MGAM: variants seen among roughly 807,000 people sequenced by gnomAD.
The protein encoded by MGAM is maltase-glucoamylase.
MGAM carries 253 observed loss-of-function variants against 358.8 expected under a neutral mutation model. The ratio of observed to expected loss-of-function variants is 0.71; its 90% CI spans 0.64 to 0.78. The LOEUF is 0.78. Ranked by LOEUF, MGAM falls within the 30% of genes least tolerant of loss-of-function variation. MGAM has a pLI of 0.00. For synonymous variants in MGAM, 1,105 were observed against 1,227.1 expected, an observed-to-expected ratio of 0.90 and a Z score of 2.08; for missense variants, 3,080 against 3,432.6, an observed-to-expected ratio of 0.90 and a Z score of 2.57.
intron 2 of MGAM, among the ~76,000 whole-genome samples, chr7:141,988,505 C>T (rs1362566679): frequency 2.0e-5 from 3 of 152,128 alleles, no homozygotes; most frequent in Admixed American, 2.0e-4. Flanking sequence ...GCTGAGATAA[C>T]AGGCGCCCGC....
rs1811136917 is a variant in MGAM at position 142,052,846 on chromosome 7, T to C, written c.3021T>C (p.Asp1007=). 1 of 1,613,904 alleles carries C rather than the reference T, an allele frequency of 6.2e-7. No individual in the cohort carries two copies. Among genetic ancestry groups the C allele is most frequent in the Non-Finnish European group, 8.5e-7 (1 of 1,179,844 alleles). ...YFVNDLYSVS[D]VQYNSHGATA... ...TCAACGACCTATACTCTGTCAGTGA[T>C]GTTCAGTATAATTCCCATGGGGCCA... Residue 1007 remains aspartate, a synonymous_variant, in exon 26 of 71, where the codon GAT becomes GAC. Coordinates refer to ENST00000475668, the MANE Select transcript of MGAM (RefSeq NM_001365693.1).
intron 2 of MGAM, among the ~76,000 whole-genome samples, chr7:141,987,246 T>C (rs1803751102): frequency 6.6e-6 from 1 of 152,164 alleles, no homozygotes; most frequent in Non-Finnish European, 1.5e-5. Context: ...TTCACAGAAA[T>C]GAAAAGAATA....
chr7:141,993,122 A>C (rs1584879892), upstream of MGAM, among the ~76,000 whole-genome samples: 2 of 152,230 alleles, frequency 1.3e-5, no homozygotes, highest in Admixed American at 6.5e-5. Flanking sequence ...AACGACTGTG[A>C]TAAGAGATAG....
chr7:142,011,971 T>C (rs1270013001), intron 3 of MGAM, among the ~76,000 whole-genome samples: 1 of 152,186 alleles, frequency 6.6e-6, no homozygotes, highest in Non-Finnish European at 1.5e-5. Flanking sequence ...TTTAAGATAT[T>C]TCACAGAGTC....
chr7:142,067,987 T>TATAAATATATATA (rs1491516915), intron 42 of MGAM, among the ~76,000 whole-genome samples: 1 of 6,686 alleles, frequency 1.5e-4, no homozygotes, highest in Non-Finnish European at 4.8e-4. Context: ...TATATATATA[T>TATAAATATATATA]TTTTTTTTTT....
Position 142,041,452 on chromosome 7 carries a change from C to G in MGAM, c.2498+606C>G, listed in dbSNP as rs1808528973. On this transcript the variant is annotated intron_variant, in intron 21 of 70. Coordinates refer to ENST00000475668, the MANE Select transcript of MGAM (RefSeq NM_001365693.1). ...TGGAAAATATCCCTGAATCCAATGC[C>G]AGTTGGCTTCCTTTTTCTAACTGTT... 2.0e-5 allele frequency among the ~76,000 whole-genome samples: 3 copies of G among 151,992 alleles called. No individual in the cohort carries two copies. In the South Asian group the frequency reaches 6.2e-4, roughly 31 times the overall value.
chr7:142,049,164 T>A (rs1270198453), intron 22 of MGAM, among the ~76,000 whole-genome samples: 2 of 152,330 alleles, frequency 1.3e-5, no homozygotes, highest in South Asian at 2.1e-4. Context: ...TCTAGATTCA[T>A]CCATGCTGTT....
intron 10 of MGAM, among the ~76,000 whole-genome samples, chr7:142,028,667 G>A (rs1056141390): frequency 4.6e-5 from 7 of 152,134 alleles, no homozygotes; most frequent in African/African-American, 1.7e-4. Context: ...TTGAAGCTGA[G>A]CTTCAGTAGA....
At position 142,090,674 on chromosome 7, in the gene MGAM, G is replaced by C. The variant is rs1328781255; in HGVS notation, c.6811-1239G>C. Among the ~76,000 whole-genome samples, 33 of 145,896 alleles carry C rather than the reference G, an allele frequency of 2.3e-4. 2 individuals are homozygous for C. The highest frequency in any genetic ancestry group is 7.5e-4 in the African/African-American group (31 of 41,118). ...GTTCCCCAGACCAAGTCCTCATTCT[G>C]TTGCCTCCCCGAACCTCCTCACCAG... On this transcript the variant is annotated intron_variant, in intron 57 of 70. Coordinates refer to ENST00000475668, the MANE Select transcript of MGAM (RefSeq NM_001365693.1).
chr7:142,061,671 T>G (rs1365485060), intron 34 of MGAM, among the ~76,000 whole-genome samples: 10 of 152,138 alleles, frequency 6.6e-5, no homozygotes, highest in Non-Finnish European at 1.0e-4. Flanking sequence ...ACTCTTACAA[T>G]GGTGTGATTA....
At chr7:142,089,608 T>C (rs1189845623) in intron 57 of MGAM, among the ~76,000 whole-genome samples, 1 of 145,580 alleles carries the variant, frequency 6.9e-6, no homozygotes, top group Non-Finnish European at 1.6e-5. Context: ...CTGACCACCA[T>C]GGTGAAACCC....
chr7:142,092,676 G>A lies in MGAM; in HGVS notation c.7033+68G>A, dbSNP rs1815511737. 7 of 1,368,292 alleles carry A rather than the reference G, an allele frequency of 5.1e-6. 1 individual carries two copies. The highest frequency in any genetic ancestry group is 3.8e-5 in the South Asian group (3 of 79,756). The allele number at this position is 1,368,292 out of a possible 1,614,324, so 84.8% of individuals were successfully genotyped here. A position where few individuals can be genotyped will look rare whatever the true frequency, so the allele number is the denominator to read the frequency against. On this transcript the variant is annotated intron_variant, in intron 59 of 70. Transcript: ENST00000475668. ...AAGAAGGATTACACTGGAGGAGCCCGAGGCCAGGGGTGGCCGCACAGCTCA... is the reference window on the plus strand; with the variant it reads ...AAGAAGGATTACACTGGAGGAGCCCAAGGCCAGGGGTGGCCGCACAGCTCA...
At chr7:142,066,014 C>A (rs1451852971) in intron 40 of MGAM, among the ~76,000 whole-genome samples, 183 bp downstream of exon 40, 1 of 135,476 alleles carries the variant, frequency 7.4e-6, no homozygotes, top group South Asian at 2.4e-4. Context: ...CAGGCTGAAT[C>A]GTGCAGTGTC....
intron 18 of MGAM, among the ~76,000 whole-genome samples, chr7:142,038,232 A>C (rs1808168017): frequency 6.6e-6 from 1 of 152,142 alleles, no homozygotes; most frequent in Non-Finnish European, 1.5e-5. Flanking sequence ...TCCGGATCTC[A>C]ACTTACTTTT....
chr7:142,041,595 A>G (rs1165368240), intron 21 of MGAM, among the ~76,000 whole-genome samples: 1 of 151,798 alleles, frequency 6.6e-6, no homozygotes, highest in East Asian at 1.9e-4. Flanking sequence ...TTCAAAACCA[A>G]TCACAACCTG....
chr7:142,074,729 CA>C (rs1813606738), intron 45 of MGAM, among the ~76,000 whole-genome samples: 1 of 146,424 alleles, frequency 6.8e-6, no homozygotes, highest in Non-Finnish European at 1.5e-5. Flanking sequence ...GAAGGAAAAA[CA>C]ATGGCTTGGC....
rs1816582663 is a variant in MGAM, at chr7:142,103,225, A to G, written c.8014-44A>G. On this transcript the variant is annotated intron_variant, in intron 69 of 70. Coordinates refer to ENST00000475668, the MANE Select transcript of MGAM (RefSeq NM_001365693.1). ...CTAAAAAGAGGTTAGAAAAATTTGA[A>G]CTAATTCTGCTATTATATTTTTCTT... The G allele has an allele frequency of 5.5e-6, 8 of 1,467,122 alleles. No individual in the cohort carries two copies. The South Asian group carries it at 1.1e-4, about 20-fold the overall frequency. 90.9% of individuals were successfully genotyped at this position (1,467,122 alleles called of 1,614,324 possible).
At chr7:142,086,487 CTT>C (rs554867043) in intron 56 of MGAM, among the ~76,000 whole-genome samples, 159 bp downstream of exon 56, 3 of 100,606 alleles carry the variant, frequency 3.0e-5, no homozygotes, top group African/African-American at 1.2e-4. Flanking sequence ...CAGTTAATAA[CTT>C]TTAAGTAATA....
At chr7:142,103,183 A>G in intron 69 of MGAM, 86 bp from the exon 70 acceptor site, 1 of 1,121,168 alleles carries the variant, frequency 8.9e-7, no homozygotes, top group Non-Finnish European at 1.2e-6. Context: ...GTCTTACTTT[A>G]TGACCTACAT....
Sources: gnomAD v4.1 joint callset for allele counts (sites outside exome capture counted in the v4.1 genomes callset) on GRCh38, gnomAD v4.1.1 for gene constraint, MANE v1.5 for transcripts, NCBI Gene and HGNC (gene_info 2026-07-23, HGNC 2026-07-21) for gene names.